The following CNTNAP2 variants were observed in gnomAD, a reference collection of about 807,000 sequenced individuals.
CNTNAP2 encodes contactin associated protein 2, also known as contactin-associated protein-like 2.
In CNTNAP2, 98 loss-of-function variants were observed where a neutral mutation model predicts 155.2. The observed-to-expected ratio is 0.63, with a 90% CI of 0.54 to 0.75. The LOEUF is 0.75. Among genes scored for constraint, CNTNAP2 ranks in the 30% least tolerant of loss-of-function variants. CNTNAP2 has a pLI of 0.00. For synonymous variants in CNTNAP2, 651 were observed against 631.2 expected, an observed-to-expected ratio of 1.03 and a Z score of -0.47; for missense variants, 1,727 against 1,688.1, an observed-to-expected ratio of 1.02 and a Z score of -0.40.
At chr7:146,754,926 T>A (rs1362628034) in intron 1 of CNTNAP2, among the ~76,000 whole-genome samples, 2 of 151,988 alleles carry the variant, frequency 1.3e-5, no homozygotes, top group Non-Finnish European at 2.9e-5. Flanking sequence ...AAAATACGGC[T>A]GCTCACATTA....
chr7:146,905,774 A>T (rs563896813), intron 3 of CNTNAP2, among the ~76,000 whole-genome samples: 1 of 152,222 alleles, frequency 6.6e-6, no homozygotes, highest in Non-Finnish European at 1.5e-5. Flanking sequence ...ATACAATAAA[A>T]TTTGGTTTAC....
At chr7:147,763,258 CA>C (rs61666714) in intron 13 of CNTNAP2, among the ~76,000 whole-genome samples, 52,997 of 106,706 alleles carry the variant, frequency 0.5, 11,830 homozygotes, top group African/African-American at 0.7. Context: ...GAAACTCAGT[CA>C]AAAAAAAAAA....
At chr7:147,347,521 T>G (rs1235797292) in intron 9 of CNTNAP2, among the ~76,000 whole-genome samples, 3 of 130,078 alleles carry the variant, frequency 2.3e-5, no homozygotes, top group Non-Finnish European at 5.2e-5. Context: ...TGTGTAGCGT[T>G]TATTCCAATT....
intron 20 of CNTNAP2, among the ~76,000 whole-genome samples, chr7:148,266,507 G>A (rs760051142): frequency 3.9e-5 from 6 of 152,032 alleles, no homozygotes; most frequent in African/African-American, 7.2e-5. Context: ...CTGCCAACTC[G>A]CCCAACCACC....
At chr7:146,151,788 T>C (rs967272593) in intron 1 of CNTNAP2, among the ~76,000 whole-genome samples, 1 of 147,794 alleles carries the variant, frequency 6.8e-6, no homozygotes, top group Non-Finnish European at 1.5e-5. Flanking sequence ...AGAACAGTCA[T>C]CTACAAATTT....
intron 2 of CNTNAP2, among the ~76,000 whole-genome samples, chr7:146,795,431 A>T (rs1350663467): frequency 6.6e-6 from 1 of 152,228 alleles, no homozygotes; most frequent in Non-Finnish European, 1.5e-5. Flanking sequence ...ATTCACATGT[A>T]AAGATGACAA....
intron 10 of CNTNAP2, among the ~76,000 whole-genome samples, chr7:147,419,544 CTT>C (rs922817987): frequency 3.9e-5 from 6 of 152,230 alleles, no homozygotes; most frequent in African/African-American, 1.4e-4. Flanking sequence ...TAAATTGCCT[CTT>C]TACAATTATG....
intron 13 of CNTNAP2, among the ~76,000 whole-genome samples, chr7:147,840,016 C>T (rs1798703577): frequency 1.3e-5 from 2 of 151,726 alleles, no homozygotes; most frequent in Non-Finnish European, 2.9e-5. Flanking sequence ...TCTTTTGGAG[C>T]AACATGAATG....
At chr7:147,811,318 G>A (rs758241372) in intron 13 of CNTNAP2, among the ~76,000 whole-genome samples, 4 of 152,010 alleles carry the variant, frequency 2.6e-5, no homozygotes, top group Non-Finnish European at 4.4e-5. Context: ...GGCTGGTCTC[G>A]AACTCCTGAG....
intron 9 of CNTNAP2, among the ~76,000 whole-genome samples, chr7:147,341,769 T>TACACACACACACACACAC (rs35486619): frequency 1.4e-5 from 2 of 147,318 alleles, no homozygotes; most frequent in African/African-American, 5.0e-5. Flanking sequence ...CACATACACA[T>TACACACACACACACACAC]ACACACACAC....
At chr7:146,989,498 A>G (rs1210750062) in intron 3 of CNTNAP2, among the ~76,000 whole-genome samples, 2 of 151,646 alleles carry the variant, frequency 1.3e-5, no homozygotes, top group Non-Finnish European at 2.9e-5. Context: ...TTGTCAGCAC[A>G]TAACAGTATC....
chr7:147,316,090 A>G (rs1000322272), intron 9 of CNTNAP2, among the ~76,000 whole-genome samples: 58 of 151,958 alleles, frequency 3.8e-4, no homozygotes, highest in African/African-American at 1.3e-3. Context: ...TTGATTGCAC[A>G]TATGTTTTTC....
intron 3 of CNTNAP2, among the ~76,000 whole-genome samples, chr7:146,939,172 G>T (rs1239579864): frequency 6.6e-6 from 1 of 152,050 alleles, no homozygotes; most frequent in Admixed American, 6.5e-5. Flanking sequence ...GAGAAAAAAT[G>T]CATTTTTTCT....
At chr7:147,975,127 A>C (rs916068139) in intron 14 of CNTNAP2, among the ~76,000 whole-genome samples, 3 of 151,552 alleles carry the variant, frequency 2.0e-5, no homozygotes, top group Non-Finnish European at 4.4e-5. Flanking sequence ...TATTATGTAT[A>C]ATATTTTTTG....
intron 1 of CNTNAP2, among the ~76,000 whole-genome samples, chr7:146,696,166 T>G (rs1456462994): frequency 6.6e-6 from 1 of 152,200 alleles, no homozygotes; most frequent in Non-Finnish European, 1.5e-5. Flanking sequence ...CATCTGGGAC[T>G]GATGCTTTCT....
rs1312024750 is a variant in CNTNAP2 at position 148,410,014 on chromosome 7, G to A, written c.3796+543G>A. On this transcript the variant is annotated intron_variant, in intron 23 of 23. Coordinates refer to ENST00000361727, the MANE Select transcript of CNTNAP2 (RefSeq NM_014141.6). ...TGCAGTGAGCCAAGATTGTGCCACT[G>A]CAATCCGGCCTGGGCTAAAGAGCGG... is the stretch of plus-strand genomic sequence containing the variant. 1.6e-4 allele frequency among the ~76,000 whole-genome samples: 9 copies of A among 56,724 alleles called. 2 individuals carry two copies. The highest frequency in any genetic ancestry group is 1.0e-3 in the African/African-American group (9 of 8,906). The allele number at this position is 56,724 out of a possible 152,430, so 37.2% of individuals were successfully genotyped here. A position where few individuals can be genotyped will look rare whatever the true frequency, so the allele number is the denominator to read the frequency against.
At chr7:146,769,946 G>C (rs1160431723) in intron 1 of CNTNAP2, among the ~76,000 whole-genome samples, 20 of 151,954 alleles carry the variant, frequency 1.3e-4, no homozygotes, top group Admixed American at 1.3e-3. Context: ...ACTATTTTGG[G>C]GTTTTCAGAG....
chr7:147,550,204 C>T (rs1799825360), intron 11 of CNTNAP2, among the ~76,000 whole-genome samples: 1 of 152,138 alleles, frequency 6.6e-6, no homozygotes, highest in South Asian at 2.1e-4. Flanking sequence ...CAGTGGGGTT[C>T]TCTTTTTTGA....
intron 21 of CNTNAP2, among the ~76,000 whole-genome samples, chr7:148,344,622 G>A (rs1225233183): frequency 2.6e-5 from 4 of 152,054 alleles, no homozygotes; most frequent in East Asian, 1.9e-4. Context: ...GTTCCTTGCC[G>A]TCCATTCAAT....
Sources: gnomAD v4.1 joint callset for allele counts (sites outside exome capture counted in the v4.1 genomes callset) on GRCh38, gnomAD v4.1.1 for gene constraint, MANE v1.5 for transcripts, NCBI Gene and HGNC (gene_info 2026-07-23, HGNC 2026-07-21) for gene names.